ATP2B4: variants seen among roughly 807,000 people sequenced by gnomAD.
ATP2B4 encodes ATPase plasma membrane Ca2+ transporting 4.
ATP2B4 carries 39 observed loss-of-function variants against 110.3 expected under a neutral mutation model. That is an observed-to-expected ratio of 0.35 (90% CI 0.27 to 0.46). ATP2B4 has a LOEUF of 0.46. ATP2B4 is among the 20% of genes least tolerant of loss of function. The probability of loss-of-function intolerance (pLI) is 1.00; values close to 1 mark genes in which losing one functional copy is unlikely to be tolerated. For synonymous variants in ATP2B4, 538 were observed against 571.7 expected (o/e 0.94, Z 0.84); for missense variants, 1,135 against 1,530.9 (o/e 0.74, Z 4.32).
At chr1:203,700,113 C>T (rs757079941) in intron 4 of ATP2B4, 93 bp from the exon 5 acceptor site, 52 of 1,447,232 alleles carry the variant, frequency 3.6e-5, no homozygotes, top group Non-Finnish European at 4.5e-5. Flanking sequence ...ATGGGAACAG[C>T]CATGAGATAG....
intron 1 of ATP2B4, among the ~76,000 whole-genome samples, chr1:203,656,259 T>C (rs765308832): frequency 2.6e-5 from 4 of 152,158 alleles, no homozygotes; most frequent in Non-Finnish European, 4.4e-5. Context: ...AAAACTTAGC[T>C]GGAGCTGCTT....
chr1:203,673,353 A>C (rs778427159), intron 1 of ATP2B4, among the ~76,000 whole-genome samples: 9 of 152,222 alleles, frequency 5.9e-5, no homozygotes, highest in Non-Finnish European at 8.8e-5. Flanking sequence ...ACTCAAGTGC[A>C]AGGAAGCATG....
At chr1:203,636,861 C>G (rs1305794614) in intron 1 of ATP2B4, among the ~76,000 whole-genome samples, 1 of 152,168 alleles carries the variant, frequency 6.6e-6, no homozygotes, top group Non-Finnish European at 1.5e-5. Flanking sequence ...GCAGCCAAGT[C>G]CCATCCTTCT....
In ATP2B4 at chr1:203,700,933, A is replaced by G. The variant is rs1455986354; in HGVS notation, c.901+10A>G. 6.2e-7 allele frequency: 1 copy of G among 1,610,604 alleles called. No individual in the cohort carries two copies. The highest frequency in any genetic ancestry group is 8.5e-7 in the Non-Finnish European group (1 of 1,177,864). On this transcript the variant is annotated intron_variant, in intron 6 of 20. Transcript: ENST00000357681. ...GAGAAAAAGAAGAAAGGTAAGGGGC[A>G]TCTGGAATGAGATTCTCTTTCCTCT... is the stretch of plus-strand genomic sequence containing the variant.
chr1:203,728,880 C>T (rs554600282), intron 20 of ATP2B4, among the ~76,000 whole-genome samples: 1 of 144,996 alleles, frequency 6.9e-6, no homozygotes, highest in Non-Finnish European at 1.5e-5. Flanking sequence ...AGACTGGGCG[C>T]GGTGGTTCTC....
chr1:203,688,264 A>T (rs757288695), intron 2 of ATP2B4, among the ~76,000 whole-genome samples: 3 of 151,714 alleles, frequency 2.0e-5, no homozygotes, highest in Admixed American at 6.6e-5. Flanking sequence ...GATTACAGGC[A>T]TGAGCCGCCA....
chr1:203,663,289 G>A (rs932323230), intron 1 of ATP2B4, among the ~76,000 whole-genome samples: 1 of 152,014 alleles, frequency 6.6e-6, no homozygotes, highest in Non-Finnish European at 1.5e-5. Context: ...AATTCCCTAA[G>A]GGAAAGAGCC....
intron 1 of ATP2B4, among the ~76,000 whole-genome samples, chr1:203,661,533 A>G (rs1374850611): frequency 6.6e-6 from 1 of 152,172 alleles, no homozygotes; most frequent in East Asian, 1.9e-4. Flanking sequence ...CTCTGAGCTG[A>G]TGATGGGGTG....
At chr1:203,665,831 T>C (rs1271305649) in intron 1 of ATP2B4, among the ~76,000 whole-genome samples, 1 of 152,158 alleles carries the variant, frequency 6.6e-6, no homozygotes, top group African/African-American at 2.4e-5. Context: ...GTAGCCTTTT[T>C]ATCCAGTGCT....
Position 203,652,763 on chromosome 1 carries a change from A to G in ATP2B4, c.-465+25544A>G, listed in dbSNP as rs74716264. Among the ~76,000 whole-genome samples, 461 of 152,334 alleles carry G rather than the reference A, an allele frequency of 3.0e-3. 4 individuals are homozygous for G. In the East Asian group the frequency reaches 0.037, roughly 12 times the overall value. On this transcript the variant is annotated intron_variant, in intron 1 of 20. Coordinates refer to ENST00000357681, the MANE Select transcript of ATP2B4 (RefSeq NM_001684.5). ...TTTTGGGGTGCTACAAATGGTGCCC[A>G]TATAAGGCAGCAAACAATCAACAAA...
chr1:203,700,792 G>T lies in ATP2B4; in HGVS notation c.776-6G>T. 2 of 1,613,142 alleles carry T rather than the reference G, an allele frequency of 1.2e-6. No homozygotes were observed. The highest frequency in any genetic ancestry group is 1.7e-6 in the Non-Finnish European group (2 of 1,179,428). On this transcript the variant is annotated splice_polypyrimidine_tract_variant and splice_region_variant and intron_variant, in intron 5 of 20. Transcript: ENST00000357681. Reference sequence around the variant, plus strand: ...ATTCCTTCCCATCTTCTCCTTTCCCGTGTAGGGACCCATGTCATGGAAGGT... The same window carrying T: ...ATTCCTTCCCATCTTCTCCTTTCCCTTGTAGGGACCCATGTCATGGAAGGT...
intron 2 of ATP2B4, among the ~76,000 whole-genome samples, chr1:203,692,676 CA>C (rs562932345): frequency 9.8e-4 from 150 of 152,308 alleles, no homozygotes; most frequent in African/African-American, 3.4e-3. Flanking sequence ...ACCCTAGCCC[CA>C]CCCTTTCTGG....
rs1407579331 is a variant in ATP2B4 at position 203,723,457 on chromosome 1, T to TCTCTGTCCCTCC, written c.3025-421_3025-420insTGTCCCTCCCTC. On this transcript the variant is annotated intron_variant, in intron 18 of 20. Transcript: ENST00000357681. ...CTCTCTCTCTCTCTCTCTCTCTCTC[T>TCTCTGTCCCTCC]CTCCCTCTGCCTCTCTCTCTCTCTC... Among the ~76,000 whole-genome samples, 3 of 113,502 alleles carry TCTCTGTCCCTCC rather than the reference T, an allele frequency of 2.6e-5. 1 individual carries two copies. In the East Asian group the frequency reaches 8.5e-4, roughly 32 times the overall value. The allele number at this position is 113,502 out of a possible 152,430, so 74.5% of individuals were successfully genotyped here. A position where few individuals can be genotyped will look rare whatever the true frequency, so the allele number is the denominator to read the frequency against.
intron 2 of ATP2B4, among the ~76,000 whole-genome samples, chr1:203,686,786 T>TG (rs1296552908): frequency 1.4e-5 from 2 of 140,902 alleles, no homozygotes; most frequent in Non-Finnish European, 3.0e-5. Flanking sequence ...CTCCGCCTCC[T>TG]GGGTTCAAGC....
In ATP2B4 at chr1:203,740,964, A is replaced by G. The variant is rs1666985779; in HGVS notation, c.*1110A>G. 6.6e-6 allele frequency: 1 copy of G among 152,224 alleles called. No homozygotes were observed. The highest frequency in any genetic ancestry group is 6.5e-5 in the Admixed American group (1 of 15,282). 9.4% of individuals were successfully genotyped at this position (152,224 alleles called of 1,614,324 possible). On this transcript the variant is annotated 3_prime_UTR_variant, in exon 21 of 21. Coordinates refer to ENST00000357681, the MANE Select transcript of ATP2B4 (RefSeq NM_001684.5). Reference sequence around the variant, plus strand: ...CAGGGCAGGACCTGACTGGTGGGGAATGAGTGTTCAGAAGCCTTGGGAGAG... The same window carrying G: ...CAGGGCAGGACCTGACTGGTGGGGAGTGAGTGTTCAGAAGCCTTGGGAGAG...
chr1:203,648,469 C>G (rs1197074409), intron 1 of ATP2B4, among the ~76,000 whole-genome samples: 2 of 152,026 alleles, frequency 1.3e-5, no homozygotes, highest in Non-Finnish European at 2.9e-5. Flanking sequence ...CACTTGACAC[C>G]CCTTGGCAGT....
At chr1:203,732,200 G>A (rs889792627) in intron 20 of ATP2B4, among the ~76,000 whole-genome samples, 2 of 151,448 alleles carry the variant, frequency 1.3e-5, no homozygotes, top group African/African-American at 2.4e-5. Flanking sequence ...AAAATGAATG[G>A]CATTAATTGC....
intron 1 of ATP2B4, among the ~76,000 whole-genome samples, chr1:203,673,473 A>G (rs1002818708): frequency 1.6e-4 from 25 of 152,226 alleles, no homozygotes; most frequent in Non-Finnish European, 3.4e-4. Flanking sequence ...ATTAGCGATC[A>G]TTCCTGGCCA....
chr1:203,708,159 A>C, intron 10 of ATP2B4, 55 bp downstream of exon 10: 1 of 1,603,794 alleles, frequency 6.2e-7, no homozygotes, highest in African/African-American at 1.3e-5. Context: ...GGGAACATCC[A>C]TTTTCTCTGA....
Sources: allele counts gnomAD v4.1 joint callset (sites outside exome capture counted in the v4.1 genomes callset), GRCh38; gene constraint gnomAD v4.1.1; transcripts MANE v1.5; gene names NCBI Gene and HGNC (gene_info 2026-07-23, HGNC 2026-07-21).